The following CDH8 variants were observed in gnomAD, a reference collection of about 807,000 sequenced individuals.
CDH8 encodes cadherin-8.
Under a neutral mutation model 68.1 loss-of-function variants are expected in CDH8, and 17 were observed. The observed-to-expected ratio is 0.25, with a 90% CI of 0.17 to 0.37. The LOEUF (loss-of-function observed/expected upper bound fraction) is 0.37, where lower values mean the gene tolerates loss of function less well. CDH8 is among the 10% of genes least tolerant of loss of function. The pLI is 1.00. For missense variants in CDH8, 763 were observed against 999.3 expected (o/e 0.76, Z 3.19); for synonymous variants, 372 against 365.1 (o/e 1.02, Z -0.21).
Position 61,901,441 on chromosome 16 carries a change from T to A in CDH8, c.285A>T (p.Lys95Asn). 1 of 1,613,722 alleles carries A rather than the reference T, an allele frequency of 6.2e-7. No homozygotes were observed. The change falls in exon 3 of 12, where the codon AAA becomes AAT. Residue 95 changes from lysine (K) to asparagine (N), a missense_variant. Physicochemically the swap from Lys to Asn is moderately conservative, Grantham distance 94 (BLOSUM62 0). Transcript: ENST00000577390. Reference protein sequence around the residue: ...LHTDLDPGSKKIKYILSGDGA... With the variant: ...LHTDLDPGSKNIKYILSGDGA... Reference sequence around the variant, plus strand: ...CATCACCTGATAGGATATACTTGATTTTTTTGCTCCCAGGATCCAGGTCTG... The same window carrying A: ...CATCACCTGATAGGATATACTTGATATTTTTGCTCCCAGGATCCAGGTCTG...
chr16:61,654,470 C>T (rs891163183), intron 11 of CDH8, among the ~76,000 whole-genome samples: 1 of 151,688 alleles, frequency 6.6e-6, no homozygotes, highest in African/African-American at 2.4e-5. Flanking sequence ...CCTTTAACAT[C>T]CTTTGGTTCC....
chr16:61,859,247 G>A (rs1963106504), intron 3 of CDH8, among the ~76,000 whole-genome samples: 1 of 152,144 alleles, frequency 6.6e-6, no homozygotes, highest in Non-Finnish European at 1.5e-5. Flanking sequence ...GAACACATGA[G>A]AGTACAATAG....
In CDH8 at chr16:61,994,000, G is replaced by A. The variant is rs187143968; in HGVS notation, c.252+27152C>T. On this transcript the variant is annotated intron_variant, in intron 2 of 11. Coordinates refer to ENST00000577390, the MANE Select transcript of CDH8 (RefSeq NM_001796.5). ...CTTTATTTAAAATCTTCAGTGTCTG[G>A]CCCTCTGCTCCCATCACATACATGG... 3.3e-5 allele frequency among the ~76,000 whole-genome samples: 5 copies of A among 152,124 alleles called. No individual in the cohort carries two copies. In the East Asian group the frequency reaches 9.7e-4, roughly 29 times the overall value.
intron 2 of CDH8, among the ~76,000 whole-genome samples, chr16:62,011,601 G>A (rs536282014): frequency 4.6e-5 from 7 of 152,266 alleles, no homozygotes; most frequent in South Asian, 2.1e-4. Context: ...ATGATTGGCT[G>A]ATTTCCCAAA....
At chr16:62,023,175 C>T (rs1425209411) in intron 1 of CDH8, among the ~76,000 whole-genome samples, 2 of 152,144 alleles carry the variant, frequency 1.3e-5, no homozygotes, top group African/African-American at 2.4e-5. Context: ...AAAAAGCCCC[C>T]ATAAAGAAAC....
intron 3 of CDH8, among the ~76,000 whole-genome samples, chr16:61,874,314 T>A (rs72798767): frequency 0.017 from 2,545 of 152,170 alleles, 36 homozygotes; most frequent in South Asian, 0.036. Context: ...CATTTTCTAC[T>A]TATGATATTT....
chr16:61,757,691 A>G (rs1282847091), intron 8 of CDH8, among the ~76,000 whole-genome samples: 1 of 152,128 alleles, frequency 6.6e-6, no homozygotes, highest in African/African-American at 2.4e-5. Context: ...ATACCAGGCC[A>G]TGGAGAAGCC....
chr16:61,790,729 G>A (rs1443479821), intron 7 of CDH8, among the ~76,000 whole-genome samples: 3 of 151,860 alleles, frequency 2.0e-5, no homozygotes, highest in Admixed American at 2.0e-4. Flanking sequence ...ATTTTGCACT[G>A]TTAATATTTT....
At chr16:62,007,292 C>G (rs1965992033) in intron 2 of CDH8, among the ~76,000 whole-genome samples, 1 of 152,180 alleles carries the variant, frequency 6.6e-6, no homozygotes. Context: ...CACGTCTCTT[C>G]TAAGCTGATG....
intron 7 of CDH8, among the ~76,000 whole-genome samples, chr16:61,795,898 TA>T (rs1163337339): frequency 1.3e-5 from 2 of 152,100 alleles, no homozygotes; most frequent in Non-Finnish European, 2.9e-5. Context: ...AGGAGCCTTT[TA>T]TACCTGGCCC....
In CDH8 at chr16:62,021,461, G is replaced by T; in HGVS notation, c.-58C>A. ...TGAGACAATTATTTTTTTTGTCTCC[G>T]GTCTGCAGCCATCCAATTCATCATG... On this transcript the variant is annotated 5_prime_UTR_variant, in exon 2 of 12. Transcript: ENST00000577390. 1.9e-6 allele frequency: 3 copies of T among 1,551,186 alleles called. No homozygotes were observed. Among genetic ancestry groups the T allele is most frequent in the South Asian group, 2.5e-5 (2 of 79,396 alleles).
chr16:61,915,010 T>C (rs1404395009), intron 2 of CDH8, among the ~76,000 whole-genome samples: 1 of 152,264 alleles, frequency 6.6e-6, no homozygotes, highest in Non-Finnish European at 1.5e-5. Flanking sequence ...TTTCAATTAA[T>C]GTAAGTAATA....
chr16:62,024,569 C>T (rs1357151526), intron 1 of CDH8, among the ~76,000 whole-genome samples: 1 of 152,122 alleles, frequency 6.6e-6, no homozygotes, highest in Non-Finnish European at 1.5e-5. Context: ...GTTCCCTCTA[C>T]CTGAACTCAC....
intron 2 of CDH8, among the ~76,000 whole-genome samples, chr16:61,984,666 C>G (rs1486351448): frequency 1.7e-4 from 26 of 151,720 alleles, no homozygotes; most frequent in Non-Finnish European, 3.4e-4. Context: ...TTTTATAATG[C>G]CTTTTGATAA....
chr16:61,938,755 T>C (rs2143524008), intron 2 of CDH8, among the ~76,000 whole-genome samples: 1 of 152,264 alleles, frequency 6.6e-6, no homozygotes, highest in Admixed American at 6.5e-5. Flanking sequence ...GTGTACTGAA[T>C]TGAGGTTAAA....
At chr16:61,807,485 CA>C (rs931920736) in intron 7 of CDH8, among the ~76,000 whole-genome samples, 3 of 151,330 alleles carry the variant, frequency 2.0e-5, no homozygotes, top group Admixed American at 2.0e-4. Flanking sequence ...ATAAAAAAAA[CA>C]AAAAACAAAA....
chr16:61,706,246 G>T (rs1964528641), intron 10 of CDH8, among the ~76,000 whole-genome samples: 1 of 152,182 alleles, frequency 6.6e-6, no homozygotes, highest in South Asian at 2.1e-4. Flanking sequence ...TATTGTGAAT[G>T]ATTTAAAATG....
intron 3 of CDH8, among the ~76,000 whole-genome samples, chr16:61,898,863 T>C (rs1001464747): frequency 6.6e-6 from 1 of 151,800 alleles, no homozygotes; most frequent in Non-Finnish European, 1.5e-5. Flanking sequence ...GATAAAGTCA[T>C]GGAAGTCAGA....
At chr16:61,829,680 T>C (rs1001343590) in intron 4 of CDH8, among the ~76,000 whole-genome samples, 3 of 151,910 alleles carry the variant, frequency 2.0e-5, no homozygotes, top group Admixed American at 1.3e-4. Flanking sequence ...TTCCACAACA[T>C]TGGGAGTAGG....
Sources: gnomAD v4.1 joint callset for allele counts (sites outside exome capture counted in the v4.1 genomes callset) on GRCh38, gnomAD v4.1.1 for gene constraint, MANE v1.5 for transcripts, NCBI Gene and HGNC (gene_info 2026-07-23, HGNC 2026-07-21) for gene names.